Variants in ZRANB3 observed in about 807,000 individuals in gnomAD.
ZRANB3 encodes zinc finger RANBP2-type containing 3.
A neutral mutation model predicts 133.8 loss-of-function variants in ZRANB3; 125 were observed. That is an observed-to-expected ratio of 0.93 (90% CI 0.81 to 1.08). ZRANB3 has a LOEUF of 1.08. Among genes scored for constraint, ZRANB3 ranks in the 50% least tolerant of loss-of-function variants. The probability of loss-of-function intolerance (pLI) is 0.00; values close to 1 mark genes in which losing one functional copy is unlikely to be tolerated. For missense variants in ZRANB3, 1,229 were observed against 1,275.5 expected (o/e 0.96, Z 0.56); for synonymous variants, 387 against 432.7 (o/e 0.89, Z 1.31).
chr2:135,456,270 C>T (rs1485113894), intron 2 of ZRANB3, among the ~76,000 whole-genome samples: 3 of 152,188 alleles, frequency 2.0e-5, no homozygotes, highest in Non-Finnish European at 4.4e-5. Context: ...AACAGGAATC[C>T]AGGCCCCTTA....
At chr2:135,245,290 T>A (rs1258846032) in intron 12 of ZRANB3, among the ~76,000 whole-genome samples, 1 of 152,208 alleles carries the variant, frequency 6.6e-6, no homozygotes, top group African/African-American at 2.4e-5. Context: ...GCTTTCTGAT[T>A]GTAGCCTCTG....
At chr2:135,436,023 T>G (rs1689517700) in intron 2 of ZRANB3, among the ~76,000 whole-genome samples, 1 of 152,188 alleles carries the variant, frequency 6.6e-6, no homozygotes, top group African/African-American at 2.4e-5. Context: ...TTCGTTGCAA[T>G]TGCTATTGGT....
At chr2:135,467,363 T>C (rs1691043977) in intron 2 of ZRANB3, among the ~76,000 whole-genome samples, 1 of 152,228 alleles carries the variant, frequency 6.6e-6, no homozygotes, top group Non-Finnish European at 1.5e-5. Context: ...TTGTTTCAGG[T>C]ATATCCGGGA....
intron 12 of ZRANB3, among the ~76,000 whole-genome samples, chr2:135,264,991 C>T (rs780390443): frequency 2.6e-5 from 4 of 152,156 alleles, no homozygotes; most frequent in South Asian, 2.1e-4. Context: ...TCAGGTGATC[C>T]GCCTGCCTCA....
chr2:135,275,479 T>C (rs1680762696), intron 9 of ZRANB3, among the ~76,000 whole-genome samples, 157 bp downstream of exon 9: 1 of 152,192 alleles, frequency 6.6e-6, no homozygotes, highest in Admixed American at 6.5e-5. Flanking sequence ...ATCATCATCA[T>C]ATAATATTAA....
intron 8 of ZRANB3, among the ~76,000 whole-genome samples, chr2:135,290,947 G>A (rs1681678753): frequency 6.6e-6 from 1 of 152,164 alleles, no homozygotes; most frequent in East Asian, 1.9e-4. Flanking sequence ...CTGGCACCCA[G>A]GCTGGAGTGC....
At chr2:135,229,390 C>T (rs1249825290) in intron 13 of ZRANB3, among the ~76,000 whole-genome samples, 9 of 142,808 alleles carry the variant, frequency 6.3e-5, no homozygotes, top group Non-Finnish European at 1.4e-4. Context: ...TTTTTTGAGA[C>T]GGAGTCTCGC....
intron 2 of ZRANB3, among the ~76,000 whole-genome samples, chr2:135,430,192 A>T (rs1007437195): frequency 3.3e-5 from 5 of 152,048 alleles, no homozygotes; most frequent in Non-Finnish European, 7.4e-5. Flanking sequence ...AAACAAAAAC[A>T]AAAACAGAAA....
intron 20 of ZRANB3, among the ~76,000 whole-genome samples, chr2:135,201,664 C>CAAAAAAAAAAAAAAAAAA (rs1286669177): frequency 1.5e-5 from 1 of 66,928 alleles, no homozygotes; most frequent in Non-Finnish European, 3.3e-5. Flanking sequence ...GACTCTGTCT[C>CAAAAAAAAAAAAAAAAAA]AAAAAAAAAA....
At chr2:135,357,436 C>T (rs1685488191) in intron 3 of ZRANB3, among the ~76,000 whole-genome samples, 1 of 152,214 alleles carries the variant, frequency 6.6e-6, no homozygotes, top group African/African-American at 2.4e-5. Context: ...GCTGGGATTA[C>T]AGGCGCATGC....
chr2:135,280,590 A>T (rs150027337), intron 8 of ZRANB3, among the ~76,000 whole-genome samples: 52 of 152,294 alleles, frequency 3.4e-4, no homozygotes, highest in Admixed American at 6.5e-4. Context: ...TAAATTAAAT[A>T]AAATACAACA....
intron 8 of ZRANB3, among the ~76,000 whole-genome samples, chr2:135,280,894 G>A (rs1322559803): frequency 1.3e-5 from 2 of 152,082 alleles, no homozygotes; most frequent in Non-Finnish European, 2.9e-5. Context: ...TCCTTGCCAG[G>A]CCTGCATAGC....
intron 6 of ZRANB3, among the ~76,000 whole-genome samples, chr2:135,328,418 T>A (rs1683954268): frequency 6.6e-6 from 1 of 152,166 alleles, no homozygotes. Flanking sequence ...CTGCATAGCA[T>A]TCCATGGTGT....
intron 6 of ZRANB3, among the ~76,000 whole-genome samples, chr2:135,324,745 T>C (rs536104256): frequency 3.9e-5 from 6 of 152,264 alleles, no homozygotes; most frequent in Admixed American, 3.9e-4. Context: ...CAGCACCTGT[T>C]GTTTCCTGAC....
chr2:135,458,391 A>G (rs1029178113), intron 2 of ZRANB3, among the ~76,000 whole-genome samples: 2 of 152,010 alleles, frequency 1.3e-5, no homozygotes, highest in African/African-American at 4.8e-5. Flanking sequence ...CAGCTTGCCA[A>G]GGCTGCAAAA....
At chr2:135,219,913 C>T (rs1694466270) in intron 15 of ZRANB3, among the ~76,000 whole-genome samples, 1 of 152,042 alleles carries the variant, frequency 6.6e-6, no homozygotes, top group South Asian at 2.1e-4. Context: ...ACTCTGTCAC[C>T]CAGGCTGGGG....
At chr2:135,466,193 G>A (rs1276934154) in intron 2 of ZRANB3, among the ~76,000 whole-genome samples, 1 of 151,924 alleles carries the variant, frequency 6.6e-6, no homozygotes, top group Non-Finnish European at 1.5e-5. Context: ...GACCAGCCTG[G>A]CCAACATGGT....
At chr2:135,221,861 GTCTC>G (rs1197035858) in intron 15 of ZRANB3, among the ~76,000 whole-genome samples, 1 of 152,156 alleles carries the variant, frequency 6.6e-6, no homozygotes, top group Non-Finnish European at 1.5e-5. Flanking sequence ...GGTTCTTGGT[GTCTC>G]TCTCTCAGTT....
intron 2 of ZRANB3, among the ~76,000 whole-genome samples, chr2:135,467,466 C>T (rs1449444118): frequency 6.6e-6 from 1 of 152,186 alleles, no homozygotes; most frequent in Non-Finnish European, 1.5e-5. Flanking sequence ...CAAACCTTAA[C>T]TCTTCATCTG....
Sources: gnomAD v4.1 joint callset for allele counts (sites outside exome capture counted in the v4.1 genomes callset) on GRCh38, gnomAD v4.1.1 for gene constraint, MANE v1.5 for transcripts, NCBI Gene and HGNC (gene_info 2026-07-23, HGNC 2026-07-21) for gene names.